CNTN5: variants seen among roughly 807,000 people sequenced by gnomAD.
CNTN5 encodes contactin 5.
Under a neutral mutation model 129.1 loss-of-function variants are expected in CNTN5, and 77 were observed. The observed-to-expected ratio is 0.60, with a 90% CI of 0.50 to 0.72. The LOEUF is 0.72. CNTN5 is among the 30% of genes least tolerant of loss of function. CNTN5 has a pLI of 0.00. For missense variants in CNTN5, 1,478 were observed against 1,328.8 expected, an observed-to-expected ratio of 1.11 and a Z score of -1.75; for synonymous variants, 509 against 465.6, an observed-to-expected ratio of 1.09 and a Z score of -1.20.
intron 2 of CNTN5, among the ~76,000 whole-genome samples, chr11:99,344,552 A>G (rs1937689097): frequency 6.6e-6 from 1 of 152,208 alleles, no homozygotes; most frequent in African/African-American, 2.4e-5. Context: ...TTTTTAGTTC[A>G]CCACTTTTCT....
intron 8 of CNTN5, among the ~76,000 whole-genome samples, chr11:99,972,407 C>T (rs190316822): frequency 2.0e-5 from 3 of 152,308 alleles, no homozygotes; most frequent in Admixed American, 2.0e-4. Flanking sequence ...CAGCAAGAAG[C>T]ACTTTGTTTG....
intron 6 of CNTN5, among the ~76,000 whole-genome samples, chr11:99,863,882 TA>T (rs1479826416): frequency 6.6e-6 from 1 of 152,144 alleles, no homozygotes; most frequent in East Asian, 1.9e-4. Flanking sequence ...AACAGATGGA[TA>T]GTGGAATTTA....
intron 7 of CNTN5, among the ~76,000 whole-genome samples, chr11:99,929,666 T>A (rs1158951588): frequency 2.0e-5 from 3 of 152,182 alleles, no homozygotes; most frequent in African/African-American, 7.2e-5. Flanking sequence ...GAGAACTTAC[T>A]GACTTCATGA....
At chr11:99,772,844 C>A (rs144437458) in intron 3 of CNTN5, among the ~76,000 whole-genome samples, 4 of 152,054 alleles carry the variant, frequency 2.6e-5, no homozygotes, top group Admixed American at 6.6e-5. Context: ...CACACACCCA[C>A]AGAGGCAGAA....
chr11:100,123,840 A>G (rs1006159111), intron 13 of CNTN5, among the ~76,000 whole-genome samples: 1 of 152,002 alleles, frequency 6.6e-6, no homozygotes, highest in Non-Finnish European at 1.5e-5. Context: ...AGTACTCACT[A>G]GGGTTAAGGT....
chr11:99,612,419 A>G (rs761372949), intron 3 of CNTN5, among the ~76,000 whole-genome samples: 2 of 152,192 alleles, frequency 1.3e-5, no homozygotes, highest in Non-Finnish European at 2.9e-5. Context: ...TAAATTGAGT[A>G]GGTAAAAAGT....
intron 3 of CNTN5, among the ~76,000 whole-genome samples, chr11:99,787,945 T>C (rs952365308): frequency 6.6e-6 from 1 of 152,000 alleles, no homozygotes; most frequent in Non-Finnish European, 1.5e-5. Context: ...TCTTTAATTA[T>C]AATGCCATTA....
intron 1 of CNTN5, among the ~76,000 whole-genome samples, chr11:99,040,608 A>C (rs183642016): frequency 6.6e-6 from 1 of 152,240 alleles, no homozygotes; most frequent in East Asian, 1.9e-4. Flanking sequence ...AGTAAAAGTG[A>C]AAAAATGAGA....
At chr11:99,406,622 A>G (rs891216867) in intron 2 of CNTN5, among the ~76,000 whole-genome samples, 3 of 152,164 alleles carry the variant, frequency 2.0e-5, no homozygotes, top group East Asian at 1.9e-4. Flanking sequence ...AGCCAGTCCT[A>G]TGTCCTTCCC....
chr11:100,115,482 A>T (rs1945813636), intron 13 of CNTN5, among the ~76,000 whole-genome samples: 1 of 152,084 alleles, frequency 6.6e-6, no homozygotes, highest in Non-Finnish European at 1.5e-5. Context: ...CTGGGGGAAG[A>T]AGTTGAGTAT....
chr11:99,514,005 C>G (rs1946945623), intron 2 of CNTN5, among the ~76,000 whole-genome samples: 1 of 152,000 alleles, frequency 6.6e-6, no homozygotes, highest in South Asian at 2.1e-4. Flanking sequence ...ATTTACCGTT[C>G]TAGATCCCAT....
intron 3 of CNTN5, among the ~76,000 whole-genome samples, chr11:99,560,908 G>T (rs1948821800): frequency 6.6e-6 from 1 of 152,126 alleles, no homozygotes; most frequent in South Asian, 2.1e-4. Flanking sequence ...ACATGTGTGT[G>T]TGTTTGGGTG....
At chr11:99,861,231 A>G (rs1364779443) in intron 6 of CNTN5, among the ~76,000 whole-genome samples, 3 of 152,190 alleles carry the variant, frequency 2.0e-5, no homozygotes, top group Admixed American at 6.5e-5. Flanking sequence ...TGTTGGGATT[A>G]CAGGCGTGAG....
chr11:100,215,813 T>G (rs894196388), intron 15 of CNTN5, among the ~76,000 whole-genome samples: 2 of 152,114 alleles, frequency 1.3e-5, no homozygotes, highest in Admixed American at 1.3e-4. Context: ...GCAGAATCAA[T>G]GCCCTGGAAG....
At chr11:99,860,950 ATTTTTTTTTTTT>A (rs146364893) in intron 6 of CNTN5, among the ~76,000 whole-genome samples, 1 of 91,030 alleles carries the variant, frequency 1.1e-5, no homozygotes, top group Non-Finnish European at 2.0e-5. Flanking sequence ...ATATGTCTTC[ATTTTTTTTTTTT>A]TTTTTTTTTT....
At chr11:99,266,184 AAAAT>A (rs1316044541) in intron 1 of CNTN5, among the ~76,000 whole-genome samples, 17 of 152,214 alleles carry the variant, frequency 1.1e-4, no homozygotes, top group East Asian at 9.7e-4. Context: ...ATATTTGAAC[AAAAT>A]AAATAAATAA....
intron 3 of CNTN5, among the ~76,000 whole-genome samples, chr11:99,600,028 G>A (rs1950265601): frequency 1.3e-5 from 2 of 152,098 alleles, no homozygotes; most frequent in Non-Finnish European, 2.9e-5. Context: ...CGAGGATGAA[G>A]AGAAATGAGT....
chr11:99,535,969 G>A (rs1237336481), intron 2 of CNTN5, among the ~76,000 whole-genome samples: 1 of 152,022 alleles, frequency 6.6e-6, no homozygotes. Flanking sequence ...GATCGTTGGT[G>A]GGTTGCTAGC....
chr11:99,374,367 T>C (rs567029624), intron 2 of CNTN5, among the ~76,000 whole-genome samples: 1 of 152,348 alleles, frequency 6.6e-6, no homozygotes, highest in South Asian at 2.1e-4. Flanking sequence ...AACATTTATT[T>C]TCCTTGAAGC....
Sources: gnomAD v4.1 joint callset for allele counts (sites outside exome capture counted in the v4.1 genomes callset) on GRCh38, gnomAD v4.1.1 for gene constraint, MANE v1.5 for transcripts, NCBI Gene and HGNC (gene_info 2026-07-23, HGNC 2026-07-21) for gene names.